RERE: variants seen among roughly 807,000 people sequenced by gnomAD.
RERE encodes the protein arginine-glutamic acid dipeptide repeats protein.
A neutral mutation model predicts 146.1 loss-of-function variants in RERE; 40 were observed. That is an observed-to-expected ratio of 0.27 (90% CI 0.21 to 0.36). The LOEUF (loss-of-function observed/expected upper bound fraction) is 0.36, where lower values mean the gene tolerates loss of function less well. Among genes scored for constraint, RERE ranks in the 10% least tolerant of loss-of-function variants. The probability of loss-of-function intolerance (pLI) is 1.00; values close to 1 mark genes in which losing one functional copy is unlikely to be tolerated. For missense variants in RERE, 1,933 were observed against 2,138.7 expected (o/e 0.90, Z 1.90); for synonymous variants, 1,003 against 866.0 (o/e 1.16, Z -2.78).
chr1:8,581,431 C>A (rs1186549281), intron 4 of RERE, among the ~76,000 whole-genome samples: 1 of 152,188 alleles, frequency 6.6e-6, no homozygotes, highest in Non-Finnish European at 1.5e-5. Flanking sequence ...CAGTCTGAAG[C>A]TGCCCTATTT....
chr1:8,584,962 C>T (rs369065111), intron 4 of RERE, among the ~76,000 whole-genome samples: 4 of 151,952 alleles, frequency 2.6e-5, no homozygotes, highest in Non-Finnish European at 4.4e-5. Flanking sequence ...GCTTGGCCAA[C>T]GTGGTGAAAC....
intron 11 of RERE, among the ~76,000 whole-genome samples, chr1:8,461,224 T>TA (rs976027854): frequency 1.3e-5 from 2 of 152,014 alleles, no homozygotes; most frequent in African/African-American, 4.8e-5. Flanking sequence ...TTTTTTTTTT[T>TA]AATGTTTTAA....
At chr1:8,658,764 A>AAAAG (rs532783647) in intron 1 of RERE, among the ~76,000 whole-genome samples, 76 of 151,918 alleles carry the variant, frequency 5.0e-4, no homozygotes, top group South Asian at 1.2e-3. Flanking sequence ...TCAAAAAAAA[A>AAAAG]AAAGAAAGAA....
At chr1:8,719,171 A>G (rs1639814836) in intron 1 of RERE, among the ~76,000 whole-genome samples, 1 of 152,096 alleles carries the variant, frequency 6.6e-6, no homozygotes, top group Non-Finnish European at 1.5e-5. Flanking sequence ...ACAGATGCTC[A>G]GCTGGGTTCT....
chr1:8,415,746 T>C (rs1557620569), intron 12 of RERE, among the ~76,000 whole-genome samples: 2 of 152,198 alleles, frequency 1.3e-5, no homozygotes, highest in Admixed American at 6.5e-5. Flanking sequence ...CAGGCAAATA[T>C]CCCTATAGTT....
chr1:8,452,788 A>C (rs932077361), intron 11 of RERE, among the ~76,000 whole-genome samples: 2 of 152,186 alleles, frequency 1.3e-5, no homozygotes, highest in African/African-American at 2.4e-5. Flanking sequence ...TTTTAAGGTA[A>C]ATTTAATTAT....
chr1:8,434,030 A>G (rs1182629422), intron 11 of RERE, among the ~76,000 whole-genome samples: 1 of 152,200 alleles, frequency 6.6e-6, no homozygotes, highest in African/African-American at 2.4e-5. Context: ...GGTAGATCTA[A>G]TATAATCCTG....
At chr1:8,408,217 G>A (rs1051022384) in intron 12 of RERE, among the ~76,000 whole-genome samples, 37 of 152,022 alleles carry the variant, frequency 2.4e-4, no homozygotes, top group Non-Finnish European at 4.9e-4. Flanking sequence ...TAAAAAAAGG[G>A]AGGGTGGGGG....
At chr1:8,576,518 T>C (rs553114586) in intron 4 of RERE, among the ~76,000 whole-genome samples, 2 of 152,340 alleles carry the variant, frequency 1.3e-5, no homozygotes, top group Admixed American at 1.3e-4. Flanking sequence ...AACTATTTAA[T>C]GAGTTTGTAG....
At position 8,570,705 on chromosome 1, in the gene RERE, A is replaced by G. The variant is rs1646211785; in HGVS notation, c.523-13182T>C. On this transcript the variant is annotated intron_variant, in intron 4 of 22. Transcript: ENST00000400908. ...GTTCAACCCTACAGACCCCTGGACC[A>G]TAGTTAAGAATGGCTGGTCTCTGAG... 1.3e-5 allele frequency among the ~76,000 whole-genome samples: 2 copies of G among 152,218 alleles called. 1 individual carries two copies. Among genetic ancestry groups the G allele is most frequent in the African/African-American group, 4.8e-5 (2 of 41,448 alleles).
chr1:8,400,439 A>G (rs2124439540), intron 12 of RERE, among the ~76,000 whole-genome samples: 1 of 152,194 alleles, frequency 6.6e-6, no homozygotes, highest in East Asian at 1.9e-4. Flanking sequence ...TTTTGTAGAA[A>G]TGAGGTCTTT....
At chr1:8,450,294 G>C (rs1644375727) in intron 11 of RERE, among the ~76,000 whole-genome samples, 1 of 151,068 alleles carries the variant, frequency 6.6e-6, no homozygotes, top group East Asian at 1.9e-4. Context: ...ATGCACTTCG[G>C]CTCCATTTAC....
chr1:8,775,941 A>T (rs1641055394), intron 1 of RERE, among the ~76,000 whole-genome samples: 1 of 152,198 alleles, frequency 6.6e-6, no homozygotes, highest in East Asian at 1.9e-4. Context: ...CTCAGATTTA[A>T]ACCCAGGCGG....
At chr1:8,627,116 T>C (rs564721743) in intron 2 of RERE, among the ~76,000 whole-genome samples, 57 of 152,258 alleles carry the variant, frequency 3.7e-4, no homozygotes, top group African/African-American at 1.3e-3. Context: ...TAGTTATCAG[T>C]TCCATATGGA....
chr1:8,594,355 G>A (rs1382355066), intron 4 of RERE, among the ~76,000 whole-genome samples: 3 of 152,140 alleles, frequency 2.0e-5, no homozygotes, highest in Non-Finnish European at 4.4e-5. Context: ...TCAGAGGTGT[G>A]TACTTACAAC....
chr1:8,700,827 T>C (rs1443275375), intron 1 of RERE, among the ~76,000 whole-genome samples: 1 of 152,210 alleles, frequency 6.6e-6, no homozygotes, highest in East Asian at 1.9e-4. Context: ...CTTCTCAGCC[T>C]ACACAATAGC....
At chr1:8,741,469 G>C (rs1640306046) in intron 1 of RERE, among the ~76,000 whole-genome samples, 1 of 152,196 alleles carries the variant, frequency 6.6e-6, no homozygotes, top group African/African-American at 2.4e-5. Context: ...TGTCAAGAGA[G>C]AGACCAGGTG....
chr1:8,812,221 G>C (rs1246717619), intron 1 of RERE, among the ~76,000 whole-genome samples: 1 of 152,134 alleles, frequency 6.6e-6, no homozygotes, highest in Non-Finnish European at 1.5e-5. Context: ...AAGACAAATA[G>C]GGTATGAGGA....
At chr1:8,485,390 T>C (rs1167291655) in intron 10 of RERE, among the ~76,000 whole-genome samples, 1 of 152,002 alleles carries the variant, frequency 6.6e-6, no homozygotes, top group Non-Finnish European at 1.5e-5. Flanking sequence ...TAAAGTTTTA[T>C]ATAACCTGAA....
Sources: allele counts gnomAD v4.1 joint callset (sites outside exome capture counted in the v4.1 genomes callset), GRCh38; gene constraint gnomAD v4.1.1; transcripts MANE v1.5; gene names NCBI Gene and HGNC (gene_info 2026-07-23, HGNC 2026-07-21).